The following CHD9 variants were observed in gnomAD, a reference collection of about 807,000 sequenced individuals.
The protein encoded by CHD9 is ATP-dependent chromatin remodeler CHD9.
A neutral mutation model predicts 316.1 loss-of-function variants in CHD9; 77 were observed. The ratio of observed to expected loss-of-function variants is 0.24; its 90% CI spans 0.20 to 0.29. The LOEUF is 0.29. CHD9 is among the 10% of genes least tolerant of loss of function. The probability of loss-of-function intolerance (pLI) is 1.00; values close to 1 mark genes in which losing one functional copy is unlikely to be tolerated. For synonymous variants in CHD9, 1,129 were observed against 1,158.3 expected (o/e 0.97, Z 0.51); for missense variants, 2,763 against 3,438.1 (o/e 0.80, Z 4.91).
chr16:53,197,296 T>C (rs1339291888), intron 2 of CHD9, among the ~76,000 whole-genome samples: 2 of 152,180 alleles, frequency 1.3e-5, no homozygotes, highest in African/African-American at 4.8e-5. Context: ...CTATCAAACA[T>C]TGCACAAATG....
chr16:53,115,696 T>A (rs1426847708), intron 1 of CHD9, among the ~76,000 whole-genome samples: 1 of 152,220 alleles, frequency 6.6e-6, no homozygotes. Context: ...AGCACCTGTG[T>A]TCTAGGTGCT....
At chr16:53,120,233 A>C (rs190137498) in intron 1 of CHD9, among the ~76,000 whole-genome samples, 47 of 152,174 alleles carry the variant, frequency 3.1e-4, no homozygotes, top group African/African-American at 1.1e-3. Context: ...CCCTGTCTCT[A>C]AAAAAATAAA....
intron 1 of CHD9, among the ~76,000 whole-genome samples, chr16:53,150,118 A>C (rs1389371161): frequency 6.6e-6 from 1 of 151,904 alleles, no homozygotes; most frequent in East Asian, 1.9e-4. Context: ...TTATTGATAA[A>C]GAAAACATAC....
intron 2 of CHD9, among the ~76,000 whole-genome samples, chr16:53,161,722 A>C (rs1458056605): frequency 2.6e-5 from 4 of 152,180 alleles, no homozygotes; most frequent in Non-Finnish European, 5.9e-5. Context: ...AGAATGTTGA[A>C]TATTTAAAGA....
At chr16:53,081,588 G>C (rs2035019218) in intron 1 of CHD9, among the ~76,000 whole-genome samples, 1 of 152,106 alleles carries the variant, frequency 6.6e-6, no homozygotes, top group South Asian at 2.1e-4. Flanking sequence ...AGGTCAGCAG[G>C]TGCTCTTTTT....
At position 53,223,381 on chromosome 16, in the gene CHD9, A is replaced by C. The variant is rs1044748671; in HGVS notation, c.1896+626A>C. ...TAACTAAAGTATGACTGTAGGCCGT[A>C]GGGGTGGTGGCAGTTGTGAATTATG... On this transcript the variant is annotated intron_variant, in intron 4 of 38. Coordinates refer to ENST00000447540, the MANE Select transcript of CHD9 (RefSeq NM_001308319.2). 4 of 152,064 alleles carry C rather than the reference A, an allele frequency of 2.6e-5. No homozygotes were observed. The Admixed American group carries it at 2.6e-4, about 10-fold the overall frequency. The allele number at this position is 152,064 out of a possible 1,614,324, so 9.4% of individuals were successfully genotyped here. A position where few individuals can be genotyped will look rare whatever the true frequency, so the allele number is the denominator to read the frequency against.
At chr16:53,144,589 T>C (rs528563841) in intron 1 of CHD9, among the ~76,000 whole-genome samples, 143 of 151,106 alleles carry the variant, frequency 9.5e-4, no homozygotes, top group Non-Finnish European at 1.7e-3. Flanking sequence ...AGTGCAGTGG[T>C]GCTATCTTGG....
intron 1 of CHD9, among the ~76,000 whole-genome samples, chr16:53,074,493 C>T (rs1323739855): frequency 6.6e-6 from 1 of 152,200 alleles, no homozygotes; most frequent in Non-Finnish European, 1.5e-5. Flanking sequence ...GGCAGCCTCT[C>T]CCATCACAGG....
chr16:53,319,458 C>T (rs1018850996), intron 37 of CHD9, among the ~76,000 whole-genome samples: 10 of 151,960 alleles, frequency 6.6e-5, no homozygotes, highest in African/African-American at 2.2e-4. Flanking sequence ...TAATTTTTCC[C>T]ACAATTTTGT....
intron 37 of CHD9, among the ~76,000 whole-genome samples, chr16:53,320,930 T>C (rs763613390): frequency 1.3e-5 from 2 of 152,182 alleles, no homozygotes; most frequent in African/African-American, 2.4e-5. Context: ...AGGCAAATTA[T>C]ATAAATTCTC....
chr16:53,304,693 CTT>C (rs376929117), intron 31 of CHD9, 68 bp downstream of exon 31: 22,291 of 744,312 alleles, frequency 0.03, 34 homozygotes, highest in African/African-American at 0.081. Context: ...CTTTTCTTTT[CTT>C]TTTTTTTTTT....
chr16:53,319,861 C>A (rs1171479591), intron 37 of CHD9: 3 of 1,239,784 alleles, frequency 2.4e-6, no homozygotes, highest in African/African-American at 3.1e-5. Context: ...CTGCTAAATC[C>A]CCATAAACCC....
chr16:53,081,072 C>T (rs979493668), intron 1 of CHD9, among the ~76,000 whole-genome samples: 1 of 152,218 alleles, frequency 6.6e-6, no homozygotes, highest in Non-Finnish European at 1.5e-5. Context: ...AGTCTTCCCC[C>T]TTTTGCTTTG....
intron 1 of CHD9, among the ~76,000 whole-genome samples, chr16:53,091,578 G>T (rs1354604182): frequency 6.6e-6 from 1 of 152,214 alleles, no homozygotes; most frequent in Non-Finnish European, 1.5e-5. Context: ...TAGTTACTCT[G>T]ACATGACCAA....
chr16:53,255,509 C>T (rs745688476), intron 18 of CHD9, 91 bp from the exon 19 acceptor site: 3 of 1,116,406 alleles, frequency 2.7e-6, no homozygotes, highest in South Asian at 3.1e-5. Context: ...TTTAAGCATG[C>T]CTCTTGTGTT....
intron 1 of CHD9, among the ~76,000 whole-genome samples, chr16:53,102,644 C>T (rs1341990034): frequency 6.6e-6 from 1 of 152,014 alleles, no homozygotes; most frequent in East Asian, 1.9e-4. Flanking sequence ...TGAGGCCAGT[C>T]TTCAAGACCA....
chr16:53,224,719 G>A (rs2047507189), intron 4 of CHD9, among the ~76,000 whole-genome samples: 1 of 152,136 alleles, frequency 6.6e-6, no homozygotes, highest in African/African-American at 2.4e-5. Context: ...CATGCCTAAT[G>A]AGACATTGAT....
At chr16:53,095,509 A>C (rs2036302784) in intron 1 of CHD9, among the ~76,000 whole-genome samples, 2 of 152,116 alleles carry the variant, frequency 1.3e-5, no homozygotes, top group Non-Finnish European at 2.9e-5. Context: ...TGATAGTGCC[A>C]CTGCACTCCA....
intron 1 of CHD9, chr16:53,131,356 GGGGA>G: frequency 6.4e-6 from 1 of 155,778 alleles, no homozygotes; most frequent in East Asian, 1.9e-4. Flanking sequence ...TGGGGGGAGG[GGGGA>G]GGGGCAGGCG....
Sources: gnomAD v4.1 joint callset for allele counts (sites outside exome capture counted in the v4.1 genomes callset) on GRCh38, gnomAD v4.1.1 for gene constraint, MANE v1.5 for transcripts, NCBI Gene and HGNC (gene_info 2026-07-23, HGNC 2026-07-21) for gene names.